Variants in ABI3BP observed in about 807,000 individuals in gnomAD.
ABI3BP encodes ABI family member 3 binding protein.
A neutral mutation model predicts 268.6 loss-of-function variants in ABI3BP; 216 were observed. That is an observed-to-expected ratio of 0.80 (90% CI 0.72 to 0.90). The LOEUF (loss-of-function observed/expected upper bound fraction) is 0.90, where lower values mean the gene tolerates loss of function less well. Ranked by LOEUF, ABI3BP falls within the 40% of genes least tolerant of loss-of-function variation. The pLI is 0.00. For synonymous variants in ABI3BP, 730 were observed against 730.0 expected (o/e 1.00, Z 0.00); for missense variants, 2,090 against 2,182.4 (o/e 0.96, Z 0.84).
intron 55 of ABI3BP, among the ~76,000 whole-genome samples, 198 bp from the exon 56 acceptor site, chr3:100,789,714 G>T (rs1230188784): frequency 6.6e-6 from 1 of 151,974 alleles, no homozygotes; most frequent in Non-Finnish European, 1.5e-5. Context: ...GAAAATTAAA[G>T]ATGCACATAG....
chr3:100,939,613 C>T (rs1331326439), intron 1 of ABI3BP, among the ~76,000 whole-genome samples: 2 of 152,032 alleles, frequency 1.3e-5, no homozygotes, highest in South Asian at 2.1e-4. Context: ...ACATCAAGTA[C>T]TTTACAAGGT....
chr3:100,922,248 G>A (rs1398912761), intron 2 of ABI3BP, among the ~76,000 whole-genome samples: 1 of 152,132 alleles, frequency 6.6e-6, no homozygotes, highest in Non-Finnish European at 1.5e-5. Flanking sequence ...ATCAGAAAGG[G>A]GATTGAATAG....
intron 56 of ABI3BP, among the ~76,000 whole-genome samples, chr3:100,788,885 T>G (rs16842839): frequency 0.09 from 13,730 of 152,074 alleles, 978 homozygotes; most frequent in African/African-American, 0.19. Flanking sequence ...TAAGAGTGAT[T>G]TACATGAACT....
chr3:100,924,870 A>G (rs1468216792), intron 2 of ABI3BP, among the ~76,000 whole-genome samples: 1 of 152,144 alleles, frequency 6.6e-6, no homozygotes, highest in East Asian at 1.9e-4. Flanking sequence ...TAACAAAAAA[A>G]CTATCATAAT....
intron 61 of ABI3BP, among the ~76,000 whole-genome samples, chr3:100,773,505 T>C (rs775228872): frequency 1.3e-5 from 2 of 152,300 alleles, no homozygotes; most frequent in Admixed American, 6.5e-5. Context: ...TCTCTGCTGA[T>C]AGAAAGGTAA....
At chr3:100,891,928 G>A (rs2044878634) in intron 4 of ABI3BP, among the ~76,000 whole-genome samples, 1 of 152,218 alleles carries the variant, frequency 6.6e-6, no homozygotes, top group Non-Finnish European at 1.5e-5. Flanking sequence ...ACACAGCATA[G>A]AGCTGGGGCT....
In ABI3BP at chr3:100,795,786, A is replaced by G. The variant is rs2097329102; in HGVS notation, c.3865+18T>C. 1 of 1,284,824 alleles carries G rather than the reference A, an allele frequency of 7.8e-7. No homozygotes were observed. The allele number at this position is 1,284,824 out of a possible 1,614,324, so 79.6% of individuals were successfully genotyped here. ...GTAGCAAAGAAAACAGAGTTGGTCAATATGGGAAAACCATTACCTATTGTT... is the reference window on the plus strand; with the variant it reads ...GTAGCAAAGAAAACAGAGTTGGTCAGTATGGGAAAACCATTACCTATTGTT... On this transcript the variant is annotated intron_variant, in intron 53 of 67. Coordinates refer to ENST00000471714, the MANE Select transcript of ABI3BP (RefSeq NM_001375547.2).
chr3:100,921,764 A>T (rs1203355849), intron 2 of ABI3BP, among the ~76,000 whole-genome samples: 2 of 152,234 alleles, frequency 1.3e-5, no homozygotes. Context: ...ACTTGAAAAC[A>T]TCTCTGTCAA....
At chr3:100,765,106 GAA>G in intron 63 of ABI3BP, among the ~76,000 whole-genome samples, 1 of 143,654 alleles carries the variant, frequency 7.0e-6, no homozygotes, top group East Asian at 2.0e-4. Context: ...TGAACATTAT[GAA>G]AAAAAAAAAA....
At chr3:100,756,603 C>T (rs764248016) in intron 63 of ABI3BP, among the ~76,000 whole-genome samples, 1 of 152,162 alleles carries the variant, frequency 6.6e-6, no homozygotes, top group African/African-American at 2.4e-5. Flanking sequence ...TCATAGCCAT[C>T]TGGACTTTGA....
At chr3:100,763,200 C>G (rs1429115827) in intron 63 of ABI3BP, among the ~76,000 whole-genome samples, 1 of 152,080 alleles carries the variant, frequency 6.6e-6, no homozygotes, top group Non-Finnish European at 1.5e-5. Flanking sequence ...GTGGCTCACA[C>G]CTGTAATCCC....
chr3:100,762,765 C>T (rs1439319123), intron 63 of ABI3BP, among the ~76,000 whole-genome samples: 2 of 152,282 alleles, frequency 1.3e-5, no homozygotes, highest in East Asian at 1.9e-4. Context: ...AGAGGCTCAT[C>T]GGAGGCTAGG....
intron 18 of ABI3BP, 81 bp from the exon 19 acceptor site, chr3:100,847,754 A>C: frequency 8.4e-7 from 1 of 1,189,382 alleles, no homozygotes; most frequent in Non-Finnish European, 1.2e-6. Context: ...TAAATGATCC[A>C]TTTAAAATCC....
intron 63 of ABI3BP, among the ~76,000 whole-genome samples, chr3:100,760,373 TTGTG>T (rs1375131496): frequency 1.3e-5 from 2 of 152,190 alleles, no homozygotes; most frequent in Non-Finnish European, 2.9e-5. Flanking sequence ...TGTGCAGTGA[TTGTG>T]TGTGTTCATC....
At chr3:100,819,141 G>A (rs2098133866) in intron 40 of ABI3BP, among the ~76,000 whole-genome samples, 3 of 152,096 alleles carry the variant, frequency 2.0e-5, no homozygotes, top group Admixed American at 2.0e-4. Flanking sequence ...TGCTTCTTGG[G>A]TCAGATGCAA....
chr3:100,785,585 G>A (rs534960709), intron 57 of ABI3BP, among the ~76,000 whole-genome samples: 1 of 152,226 alleles, frequency 6.6e-6, no homozygotes, highest in South Asian at 2.1e-4. Flanking sequence ...CTTGCCTACT[G>A]CATTGGCTAA....
At chr3:100,975,973 C>T (rs2085997658) in intron 1 of ABI3BP, among the ~76,000 whole-genome samples, 1 of 152,092 alleles carries the variant, frequency 6.6e-6, no homozygotes, top group Non-Finnish European at 1.5e-5. Context: ...ACTTCTTACC[C>T]AATTTTTATG....
intron 1 of ABI3BP, among the ~76,000 whole-genome samples, chr3:100,935,282 G>A (rs920645045): frequency 6.6e-6 from 1 of 151,994 alleles, no homozygotes; most frequent in East Asian, 1.9e-4. Context: ...AAGATCAGAT[G>A]GTTGTAGATA....
chr3:100,811,258 A>G lies in ABI3BP; in HGVS notation c.3513T>C (p.Tyr1171=), dbSNP rs202228433. The G allele has an allele frequency of 4.0e-4, 607 of 1,534,212 alleles. 1 individual carries two copies. Among genetic ancestry groups the G allele is most frequent in the South Asian group, 3.3e-3 (275 of 83,806 alleles). Residue 1171 remains tyrosine, a synonymous_variant, in exon 48 of 68, where the codon TAT becomes TAC. Transcript: ENST00000471714. ...GTGTGGTCTCAGGTGGTTCAGATAC[A>G]TATGTAATAGATTCCACAACTGTAC... ...PKTEVVESIT[Y]VSEPPETTLE... is the part of the protein sequence containing the mutation.
Sources: gnomAD v4.1 joint callset for allele counts (sites outside exome capture counted in the v4.1 genomes callset) on GRCh38, gnomAD v4.1.1 for gene constraint, MANE v1.5 for transcripts, NCBI Gene and HGNC (gene_info 2026-07-23, HGNC 2026-07-21) for gene names.